ZNF385D: variants seen among roughly 807,000 people sequenced by gnomAD.
ZNF385D encodes zinc finger protein 659.
A neutral mutation model predicts 35.8 loss-of-function variants in ZNF385D; 15 were observed. That is an observed-to-expected ratio of 0.42 (90% CI 0.28 to 0.64). ZNF385D has a LOEUF of 0.64. Among genes scored for constraint, ZNF385D ranks in the 30% least tolerant of loss-of-function variants. ZNF385D has a pLI of 0.23. For missense variants in ZNF385D, 474 were observed against 494.6 expected (o/e 0.96, Z 0.39); for synonymous variants, 212 against 186.8 (o/e 1.13, Z -1.10).
At chr3:21,978,797 T>C (rs1001402107) in intron 3 of ZNF385D, among the ~76,000 whole-genome samples, 31 of 152,164 alleles carry the variant, frequency 2.0e-4, no homozygotes, top group African/African-American at 7.5e-4. Flanking sequence ...GTGAAAGGCA[T>C]GTTTAGGTGC....
intron 3 of ZNF385D, among the ~76,000 whole-genome samples, chr3:21,948,910 A>G (rs1385531892): frequency 6.6e-6 from 1 of 152,186 alleles, no homozygotes; most frequent in Non-Finnish European, 1.5e-5. Flanking sequence ...TTTAAATTAA[A>G]CAATTATTAT....
At chr3:21,498,812 G>C (rs898072545) in intron 4 of ZNF385D, among the ~76,000 whole-genome samples, 1 of 151,836 alleles carries the variant, frequency 6.6e-6, no homozygotes, top group Non-Finnish European at 1.5e-5. Flanking sequence ...GCGTGGTGGC[G>C]TGAGCCTGTG....
chr3:21,619,929 T>C (rs866152250), intron 2 of ZNF385D, among the ~76,000 whole-genome samples: 1 of 152,130 alleles, frequency 6.6e-6, no homozygotes, highest in Non-Finnish European at 1.5e-5. Flanking sequence ...GCAGCCACAT[T>C]ACACCCTGAG....
intron 3 of ZNF385D, among the ~76,000 whole-genome samples, chr3:21,529,953 G>A (rs1358429681): frequency 6.6e-6 from 1 of 152,146 alleles, no homozygotes; most frequent in Non-Finnish European, 1.5e-5. Context: ...CAGTGTTAGA[G>A]GTGGCACTTA....
intron 4 of ZNF385D, among the ~76,000 whole-genome samples, chr3:21,466,114 T>C (rs747299735): frequency 6.6e-6 from 1 of 152,180 alleles, no homozygotes; most frequent in African/African-American, 2.4e-5. Context: ...CTGCAAATAA[T>C]GTCTTCACAT....
chr3:21,660,095 ATC>A (rs138797674), intron 2 of ZNF385D, among the ~76,000 whole-genome samples: 1 of 150,076 alleles, frequency 6.7e-6, no homozygotes, highest in African/African-American at 2.4e-5. Context: ...CTAGGACTTG[ATC>A]TCTCTCTCTC....
intron 3 of ZNF385D, among the ~76,000 whole-genome samples, chr3:22,138,623 G>C (rs1261523005): frequency 1.3e-5 from 2 of 151,798 alleles, no homozygotes; most frequent in Admixed American, 6.6e-5. Flanking sequence ...TATGTAGAAA[G>C]CTGAAACTGG....
intron 3 of ZNF385D, among the ~76,000 whole-genome samples, chr3:22,132,182 C>A (rs763288738): frequency 1.3e-5 from 2 of 152,016 alleles, no homozygotes; most frequent in Non-Finnish European, 2.9e-5. Flanking sequence ...TATTTGGAGG[C>A]AGGATCTTGG....
chr3:22,328,281 C>T (rs1478653230), intron 2 of ZNF385D, among the ~76,000 whole-genome samples: 2 of 151,948 alleles, frequency 1.3e-5, no homozygotes, highest in Admixed American at 6.6e-5. Context: ...TCCCCTTCTA[C>T]AGTGAAAGCT....
chr3:21,881,234 T>C (rs568260731), intron 3 of ZNF385D, among the ~76,000 whole-genome samples: 1 of 151,782 alleles, frequency 6.6e-6, no homozygotes, highest in Non-Finnish European at 1.5e-5. Context: ...CTTTCATAGC[T>C]CTAAGGAAGT....
intron 2 of ZNF385D, among the ~76,000 whole-genome samples, chr3:22,205,482 T>C (rs1039605347): frequency 3.3e-5 from 5 of 151,802 alleles, no homozygotes; most frequent in Admixed American, 1.3e-4. Flanking sequence ...AGACATAATA[T>C]AGCACTGCAA....
rs191219617 is a variant in ZNF385D, at chr3:21,910,760, C to T, written c.326-245732G>A. On this transcript the variant is annotated intron_variant, in intron 3 of 5. Coordinates refer to the ZNF385D transcript ENST00000494108. ...GAAAGCTTTATTGGAGAAGGCAGGA[C>T]GGAATACAAAGAATACTAGATAAAT... is the stretch of plus-strand genomic sequence containing the variant. 1.4e-3 allele frequency among the ~76,000 whole-genome samples: 206 copies of T among 151,138 alleles called. 5 individuals carry two copies. In the South Asian group the frequency reaches 0.024, roughly 18 times the overall value.
At chr3:21,865,520 C>T (rs1325018137) in intron 3 of ZNF385D, among the ~76,000 whole-genome samples, 1 of 152,102 alleles carries the variant, frequency 6.6e-6, no homozygotes, top group African/African-American at 2.4e-5. Flanking sequence ...GCAGAACTTG[C>T]AGATCTTCCT....
intron 2 of ZNF385D, among the ~76,000 whole-genome samples, chr3:22,353,968 G>A (rs1012749108): frequency 1.3e-5 from 2 of 151,932 alleles, no homozygotes; most frequent in Non-Finnish European, 2.9e-5. Context: ...TAAATTCCAT[G>A]GGCAATCATT....
chr3:22,143,900 A>G (rs1462868701), intron 3 of ZNF385D, among the ~76,000 whole-genome samples: 1 of 152,164 alleles, frequency 6.6e-6, no homozygotes, highest in East Asian at 1.9e-4. Context: ...CTAATATCTT[A>G]TTCATTTTTA....
At position 21,627,806 on chromosome 3, in the gene ZNF385D, T is replaced by A. The variant is rs114286158; in HGVS notation, c.165+37080A>T. 3.1e-3 allele frequency among the ~76,000 whole-genome samples: 479 copies of A among 152,232 alleles called. 2 individuals are homozygous for A. The highest frequency in any genetic ancestry group is 0.011 in the African/African-American group (467 of 41,554). ...GGAAATTTTCTATTAAAGTTCATCG[T>A]CCCAGTCACTTATAAGGAAAGAGGT... On this transcript the variant is annotated intron_variant, in intron 2 of 7. Coordinates refer to ENST00000281523, the MANE Select transcript of ZNF385D (RefSeq NM_024697.3).
intron 2 of ZNF385D, among the ~76,000 whole-genome samples, chr3:22,196,661 G>T (rs1696435275): frequency 6.6e-6 from 1 of 151,962 alleles, no homozygotes; most frequent in Non-Finnish European, 1.5e-5. Flanking sequence ...GAAAATTCCA[G>T]AACCTTTCAA....
At chr3:22,357,880 G>A (rs1422776977) in intron 2 of ZNF385D, among the ~76,000 whole-genome samples, 1 of 151,994 alleles carries the variant, frequency 6.6e-6, no homozygotes, top group South Asian at 2.1e-4. Context: ...GTGGAGAATT[G>A]CAATTCTTCC....
intron 1 of ZNF385D, among the ~76,000 whole-genome samples, chr3:21,683,914 C>A (rs1338692108): frequency 1.3e-5 from 2 of 150,088 alleles, no homozygotes. Flanking sequence ...AGGACTCAGT[C>A]CAGCCAACAT....
Sources: allele counts gnomAD v4.1 joint callset (sites outside exome capture counted in the v4.1 genomes callset), GRCh38; gene constraint gnomAD v4.1.1; transcripts MANE v1.5; gene names NCBI Gene and HGNC (gene_info 2026-07-23, HGNC 2026-07-21).